Variants in CSGALNACT1 observed in about 807,000 individuals in gnomAD.
The protein encoded by CSGALNACT1 is chondroitin sulfate N-acetylgalactosaminyltransferase 1.
Under a neutral mutation model 51.0 loss-of-function variants are expected in CSGALNACT1, and 52 were observed. The observed-to-expected ratio is 1.02, with a 90% CI of 0.82 to 1.29. The LOEUF (loss-of-function observed/expected upper bound fraction) is 1.29, where lower values mean the gene tolerates loss of function less well. Among genes scored for constraint, CSGALNACT1 ranks in the 50% most tolerant of loss-of-function variants. The pLI is 0.00. For missense variants in CSGALNACT1, 935 were observed against 679.2 expected, an observed-to-expected ratio of 1.38 and a Z score of -4.19; for synonymous variants, 341 against 254.4, an observed-to-expected ratio of 1.34 and a Z score of -3.24.
chr8:19,569,877 GAACA>G (rs1432116484), intron 3 of CSGALNACT1, among the ~76,000 whole-genome samples: 8 of 152,154 alleles, frequency 5.3e-5, no homozygotes, highest in Non-Finnish European at 8.8e-5. Context: ...CAACCAAATA[GAACA>G]AACTACTGCT....
intron 3 of CSGALNACT1, among the ~76,000 whole-genome samples, chr8:19,569,218 A>G (rs1000381477): frequency 2.6e-5 from 4 of 152,212 alleles, no homozygotes; most frequent in Admixed American, 6.5e-5. Context: ...GGAAAACTGA[A>G]AAGATGCTAC....
intron 5 of CSGALNACT1, among the ~76,000 whole-genome samples, chr8:19,450,464 G>A (rs1398150392): frequency 1.3e-5 from 2 of 152,116 alleles, no homozygotes; most frequent in Admixed American, 6.5e-5. Flanking sequence ...AGACTGCAGA[G>A]ACCCAAGGGA....
intron 4 of CSGALNACT1, among the ~76,000 whole-genome samples, chr8:19,477,874 G>T (rs1418440909): frequency 6.6e-6 from 1 of 152,234 alleles, no homozygotes; most frequent in East Asian, 1.9e-4. Context: ...AGTGTGGGAA[G>T]AAAGACTTCG....
At chr8:19,589,961 C>T (rs1363252724) in intron 3 of CSGALNACT1, among the ~76,000 whole-genome samples, 1 of 152,202 alleles carries the variant, frequency 6.6e-6, no homozygotes, top group Admixed American at 6.5e-5. Flanking sequence ...CTCTTCTTCA[C>T]TGATGAGCAG....
Position 19,512,922 on chromosome 8 carries a change from G to C in CSGALNACT1, c.-296-6792C>G, listed in dbSNP as rs1182436578. ...TGTGTAGAAGTAGCTGACTATTACA[G>C]CACACGGGCCAAGTTAACTGAGAAG... is the stretch of plus-strand genomic sequence containing the variant. On this transcript the variant is annotated intron_variant, in intron 3 of 9. Coordinates refer to ENST00000454498, the Ensembl canonical transcript of CSGALNACT1. Among the ~76,000 whole-genome samples the C allele has an allele frequency of 3.3e-5, 5 of 152,268 alleles. No homozygotes were observed. In the East Asian group the frequency reaches 9.6e-4, roughly 29 times the overall value.
upstream of CSGALNACT1, among the ~76,000 whole-genome samples, chr8:19,602,951 A>G (rs1255342057): frequency 6.6e-6 from 1 of 151,512 alleles, no homozygotes; most frequent in Non-Finnish European, 1.5e-5. Context: ...GCAAATATCC[A>G]TCTATATATG....
chr8:19,476,754 C>G (rs1167407812), intron 4 of CSGALNACT1, among the ~76,000 whole-genome samples: 1 of 152,150 alleles, frequency 6.6e-6, no homozygotes, highest in East Asian at 1.9e-4. Context: ...GTGAAAAAGC[C>G]ACACAACATG....
At chr8:19,666,094 G>T (rs141500755) in intron 1 of CSGALNACT1, among the ~76,000 whole-genome samples, 3 of 152,112 alleles carry the variant, frequency 2.0e-5, no homozygotes, top group African/African-American at 7.2e-5. Flanking sequence ...TTAAATCCAG[G>T]CAGACTTCAA....
At chr8:19,633,016 C>A (rs568699118) in intron 1 of CSGALNACT1, among the ~76,000 whole-genome samples, 1 of 151,706 alleles carries the variant, frequency 6.6e-6, no homozygotes, top group Admixed American at 6.6e-5. Context: ...GATCTGCCCA[C>A]CTCAGCCTGC....
chr8:19,636,125 T>C (rs2056025387), intron 1 of CSGALNACT1, among the ~76,000 whole-genome samples: 1 of 152,134 alleles, frequency 6.6e-6, no homozygotes, highest in Non-Finnish European at 1.5e-5. Context: ...CTTTCTGCAG[T>C]TTCCATTACC....
chr8:19,756,639 G>A (rs1279407321), intron 1 of CSGALNACT1, among the ~76,000 whole-genome samples: 1 of 151,784 alleles, frequency 6.6e-6, no homozygotes, highest in Admixed American at 6.6e-5. Context: ...CGTCCCCTGG[G>A]CATGTTCGGG....
At chr8:19,482,722 A>G (rs2071767944) in intron 4 of CSGALNACT1, among the ~76,000 whole-genome samples, 1 of 152,086 alleles carries the variant, frequency 6.6e-6, no homozygotes, top group South Asian at 2.1e-4. Flanking sequence ...TTTCACTCTC[A>G]ATGTTTCTAC....
intron 1 of CSGALNACT1, among the ~76,000 whole-genome samples, chr8:19,692,283 T>TA (rs1195797195): frequency 7.2e-5 from 11 of 152,164 alleles, no homozygotes; most frequent in African/African-American, 2.7e-4. Flanking sequence ...TGGGAGAACT[T>TA]AAGGGGCTGG....
chr8:19,547,738 T>C (rs1333041851), intron 3 of CSGALNACT1, among the ~76,000 whole-genome samples: 2 of 152,218 alleles, frequency 1.3e-5, no homozygotes, highest in African/African-American at 2.4e-5. Context: ...CTTTCACTTA[T>C]ATCAAGTATA....
intron 1 of CSGALNACT1, among the ~76,000 whole-genome samples, chr8:19,619,023 G>A (rs1200145711): frequency 1.3e-5 from 2 of 152,082 alleles, no homozygotes; most frequent in African/African-American, 4.8e-5. Context: ...CTATGATGGG[G>A]CTACAAACCC....
At chr8:19,436,716 G>A (rs1342476271) in intron 6 of CSGALNACT1, among the ~76,000 whole-genome samples, 6 of 152,082 alleles carry the variant, frequency 3.9e-5, no homozygotes, top group Non-Finnish European at 7.4e-5. Context: ...AAACCAGCCT[G>A]GGAAACATAG....
At chr8:19,734,665 A>C (rs188769047) in intron 1 of CSGALNACT1, among the ~76,000 whole-genome samples, 182 of 152,304 alleles carry the variant, frequency 1.2e-3, no homozygotes, top group African/African-American at 4.1e-3. Context: ...ATTAGTGTTG[A>C]CTCTTGGCTG....
intron 1 of CSGALNACT1, among the ~76,000 whole-genome samples, chr8:19,717,024 G>A (rs1471606974): frequency 6.6e-6 from 1 of 152,202 alleles, no homozygotes; most frequent in Non-Finnish European, 1.5e-5. Flanking sequence ...CCTTAGTGGG[G>A]ATAAACGAGG....
At chr8:19,514,337 T>C (rs796089259) in intron 3 of CSGALNACT1, among the ~76,000 whole-genome samples, 12 of 151,810 alleles carry the variant, frequency 7.9e-5, no homozygotes, top group African/African-American at 2.7e-4. Flanking sequence ...CAGCAATCTG[T>C]GTGGACAGCT....
Sources: gnomAD v4.1 joint callset for allele counts (sites outside exome capture counted in the v4.1 genomes callset) on GRCh38, gnomAD v4.1.1 for gene constraint, MANE v1.5 for transcripts, NCBI Gene and HGNC (gene_info 2026-07-23, HGNC 2026-07-21) for gene names.